The following DTWD2 variants were observed in gnomAD, a reference collection of about 807,000 sequenced individuals.
The protein encoded by DTWD2 is tRNA-uridine aminocarboxypropyltransferase 2.
Under a neutral mutation model 31.8 loss-of-function variants are expected in DTWD2, and 39 were observed. The ratio of observed to expected loss-of-function variants is 1.22; its 90% confidence interval spans 0.95 to 1.60. DTWD2 has a LOEUF of 1.60. Among genes scored for constraint, DTWD2 ranks in the 40% most tolerant of loss-of-function variants. The pLI is 0.00. For missense variants in DTWD2, 515 were observed against 381.5 expected, an observed-to-expected ratio of 1.35 and a Z score of -2.92; for synonymous variants, 180 against 142.8, an observed-to-expected ratio of 1.26 and a Z score of -1.86.
chr5:118,926,535 T>C (rs1753812103), intron 4 of DTWD2, among the ~76,000 whole-genome samples: 1 of 152,050 alleles, frequency 6.6e-6, no homozygotes, highest in Non-Finnish European at 1.5e-5. Context: ...CAAAAGCTAT[T>C]GAAATTTTAA....
chr5:118,881,243 G>A (rs1041471843), intron 4 of DTWD2, among the ~76,000 whole-genome samples: 8 of 152,176 alleles, frequency 5.3e-5, no homozygotes, highest in African/African-American at 1.9e-4. Flanking sequence ...AATTTCACAA[G>A]AATTTGATTC....
At position 118,866,038 on chromosome 5, in the gene DTWD2, G is replaced by C. The variant is rs536175289; in HGVS notation, c.598-17820C>G. ...TGTGTGTCTGTGTGTGTGTCTGTTA[G>C]TGATTTCTGGGAAGGAGAGTAACTG... On this transcript the variant is annotated intron_variant, in intron 4 of 5. Transcript: ENST00000510708. Among the ~76,000 whole-genome samples, 88 of 151,966 alleles carry C rather than the reference G, an allele frequency of 5.8e-4. 4 individuals carry two copies. In the South Asian group the frequency reaches 0.017, roughly 30 times the overall value.
chr5:118,840,173 T>C lies in DTWD2; in HGVS notation c.*744A>G, dbSNP rs1751676980. On this transcript the variant is annotated 3_prime_UTR_variant, in exon 6 of 6. Transcript: ENST00000510708. ...GCCCTAAAGAAATATGTTCTGAAAA[T>C]AACAATTGTATCATATTCCACTTAT... The C allele has an allele frequency of 6.6e-6, 1 of 152,146 alleles. No homozygotes were observed. Among genetic ancestry groups the C allele is most frequent in the Non-Finnish European group, 1.5e-5 (1 of 67,996 alleles). The allele number at this position is 152,146 out of a possible 1,614,324, so 9.4% of individuals were successfully genotyped here.
intron 4 of DTWD2, among the ~76,000 whole-genome samples, chr5:118,913,323 C>T (rs1198869528): frequency 6.6e-6 from 1 of 151,118 alleles, no homozygotes; most frequent in Non-Finnish European, 1.5e-5. Flanking sequence ...TGTAACTCTT[C>T]CCTGGGTCTT....
intron 4 of DTWD2, among the ~76,000 whole-genome samples, chr5:118,882,812 C>T (rs114263137): frequency 0.022 from 3,367 of 152,308 alleles, 127 homozygotes; most frequent in African/African-American, 0.076. Flanking sequence ...TGGGGCCAGC[C>T]CACAAAACCA....
intron 4 of DTWD2, among the ~76,000 whole-genome samples, chr5:118,864,076 C>T (rs1752327676): frequency 7.9e-6 from 1 of 125,970 alleles, no homozygotes; most frequent in Non-Finnish European, 1.6e-5. Context: ...CTGCAAAACC[C>T]ACATGTATGT....
chr5:118,984,964 A>C (rs988150398), intron 1 of DTWD2, among the ~76,000 whole-genome samples: 1 of 152,212 alleles, frequency 6.6e-6, no homozygotes. Context: ...ATTATACAGC[A>C]AAAGTCATGT....
At chr5:118,956,978 AT>A (rs1299390756) in intron 1 of DTWD2, among the ~76,000 whole-genome samples, 1 of 148,922 alleles carries the variant, frequency 6.7e-6, no homozygotes, top group Non-Finnish European at 1.5e-5. Context: ...AGATAAAGTC[AT>A]TGTCAGATTT....
At chr5:118,896,524 T>A (rs558715838) in intron 4 of DTWD2, among the ~76,000 whole-genome samples, 1 of 151,638 alleles carries the variant, frequency 6.6e-6, no homozygotes, top group Non-Finnish European at 1.5e-5. Flanking sequence ...ATGTAACATG[T>A]TAATAAAACC....
intron 4 of DTWD2, among the ~76,000 whole-genome samples, chr5:118,849,951 C>T (rs116524461): frequency 0.14 from 20,558 of 151,482 alleles, 1,763 homozygotes; most frequent in Non-Finnish European, 0.19. Context: ...CAAACCACCA[C>T]GGCACGTGTA....
intron 1 of DTWD2, among the ~76,000 whole-genome samples, chr5:118,949,078 C>G (rs1209757252): frequency 6.6e-6 from 1 of 151,818 alleles, no homozygotes; most frequent in Non-Finnish European, 1.5e-5. Flanking sequence ...AAGGAGGATA[C>G]GCGATATTCT....
At chr5:118,878,498 T>C (rs996003765) in intron 4 of DTWD2, among the ~76,000 whole-genome samples, 1 of 152,100 alleles carries the variant, frequency 6.6e-6, no homozygotes, top group Non-Finnish European at 1.5e-5. Flanking sequence ...TTATACCATA[T>C]AAAAAATTAA....
chr5:118,902,100 A>C (rs1753223339), intron 4 of DTWD2, among the ~76,000 whole-genome samples: 1 of 152,164 alleles, frequency 6.6e-6, no homozygotes, highest in Non-Finnish European at 1.5e-5. Context: ...ACCTTATATC[A>C]ACACATATCA....
chr5:118,933,694 T>G (rs1313450937), intron 3 of DTWD2, among the ~76,000 whole-genome samples: 1 of 152,124 alleles, frequency 6.6e-6, no homozygotes, highest in African/African-American at 2.4e-5. Context: ...TAGCTAGCAT[T>G]ATACGTAATT....
rs535859715 is a variant in DTWD2 at position 118,931,398 on chromosome 5, T to TAA, written c.405-2671_405-2670dup. ...TGAGCAACAGAACGAGACCTTGTCT[T>TAA]AAAAAAAAAAAAAAAAAAAAAGTAA... On this transcript the variant is annotated intron_variant, in intron 3 of 5. Transcript: ENST00000510708. Among the ~76,000 whole-genome samples the TAA allele has an allele frequency of 8.8e-3, 968 of 109,736 alleles. 23 individuals are homozygous for TAA. The highest frequency in any genetic ancestry group is 0.032 in the African/African-American group (911 of 28,712). 72.0% of individuals were successfully genotyped at this position (109,736 alleles called of 152,430 possible). A position where few individuals can be genotyped will look rare whatever the true frequency, so the allele number is the denominator to read the frequency against.
At chr5:118,909,409 T>C (rs1054417285) in intron 4 of DTWD2, among the ~76,000 whole-genome samples, 1 of 152,108 alleles carries the variant, frequency 6.6e-6, no homozygotes, top group South Asian at 2.1e-4. Context: ...AGGAAACCAA[T>C]AGCCAGCCAA....
intron 1 of DTWD2, among the ~76,000 whole-genome samples, chr5:118,966,744 C>T (rs1754858666): frequency 6.6e-6 from 1 of 152,088 alleles, no homozygotes; most frequent in African/African-American, 2.4e-5. Flanking sequence ...AAAAGTCAAT[C>T]AGAGGCCAGG....
chr5:118,984,611 T>C (rs1050757843), intron 1 of DTWD2, among the ~76,000 whole-genome samples: 5 of 152,204 alleles, frequency 3.3e-5, no homozygotes, highest in Admixed American at 1.3e-4. Flanking sequence ...TGTATTATAA[T>C]TCTTACAGCT....
At chr5:118,900,995 G>A (rs904620725) in intron 4 of DTWD2, among the ~76,000 whole-genome samples, 6 of 150,834 alleles carry the variant, frequency 4.0e-5, no homozygotes, top group African/African-American at 1.5e-4. Context: ...GGTAATCAGT[G>A]ATAATGATTA....
Sources: allele counts gnomAD v4.1 joint callset (sites outside exome capture counted in the v4.1 genomes callset), GRCh38; gene constraint gnomAD v4.1.1; transcripts MANE v1.5; gene names NCBI Gene and HGNC (gene_info 2026-07-23, HGNC 2026-07-21).